Variants in KMT5A observed in about 807,000 individuals in gnomAD.
The protein encoded by KMT5A is N-lysine methyltransferase KMT5A.
A neutral mutation model predicts 40.6 loss-of-function variants in KMT5A; 6 were observed. That is an observed-to-expected ratio of 0.15 (90% confidence interval 0.08 to 0.29). KMT5A has a LOEUF of 0.29. KMT5A is among the 10% of genes least tolerant of loss of function. The pLI is 1.00. For missense variants in KMT5A, 308 were observed against 459.1 expected, an observed-to-expected ratio of 0.67 and a Z score of 3.01; for synonymous variants, 153 against 178.8, an observed-to-expected ratio of 0.86 and a Z score of 1.15.
At position 123,408,520 on chromosome 12, in the gene KMT5A, A is replaced by G; in HGVS notation, c.*817A>G. On this transcript the variant is annotated 3_prime_UTR_variant, in exon 8 of 8. Coordinates refer to ENST00000402868, the MANE Select transcript of KMT5A (RefSeq NM_020382.7). Reference sequence around the variant, plus strand: ...AATTAAAAATAAAAAAAACCACAGAAAACAACTTTACATGTATATAGGTCT... The same window carrying G: ...AATTAAAAATAAAAAAAACCACAGAGAACAACTTTACATGTATATAGGTCT... The G allele has an allele frequency of 6.6e-6, 1 of 151,434 alleles. No homozygotes were observed. Among genetic ancestry groups the G allele is most frequent in the East Asian group, 1.9e-4 (1 of 5,200 alleles). The allele number at this position is 151,434 out of a possible 1,614,324, so 9.4% of individuals were successfully genotyped here.
At chr12:123,385,052 G>GT (rs1284877016) in intron 1 of KMT5A, among the ~76,000 whole-genome samples, 1 of 151,664 alleles carries the variant, frequency 6.6e-6, no homozygotes, top group East Asian at 1.9e-4. Context: ...AAAAAAAAAA[G>GT]TTTTGGTATT....
chr12:123,401,072 G>GGC (rs1428580794), intron 5 of KMT5A, among the ~76,000 whole-genome samples: 5 of 151,656 alleles, frequency 3.3e-5, no homozygotes, highest in African/African-American at 1.2e-4. Flanking sequence ...TGGGATTACA[G>GGC]GCATGAGCCA....
intron 5 of KMT5A, among the ~76,000 whole-genome samples, chr12:123,399,024 G>T (rs533606149): frequency 4.6e-5 from 7 of 152,274 alleles, no homozygotes; most frequent in Non-Finnish European, 1.0e-4. Flanking sequence ...TTGGACACAA[G>T]GTGGGCCTTG....
At chr12:123,388,566 G>A (rs946295446) in intron 1 of KMT5A, 3 of 151,988 alleles carry the variant, frequency 2.0e-5, no homozygotes, top group African/African-American at 7.3e-5. Flanking sequence ...TGTAAGCTGG[G>A]ATGCCGACAG....
chr12:123,403,278 G>A (rs901916112), intron 5 of KMT5A, among the ~76,000 whole-genome samples: 1 of 152,242 alleles, frequency 6.6e-6, no homozygotes, highest in Non-Finnish European at 1.5e-5. Context: ...TTAACGTGCT[G>A]CATGGGCAAC....
At chr12:123,392,841 G>T (rs1459487234) in intron 3 of KMT5A, among the ~76,000 whole-genome samples, 1 of 152,112 alleles carries the variant, frequency 6.6e-6, no homozygotes, top group South Asian at 2.1e-4. Flanking sequence ...AGGAAGGTGT[G>T]TAGAGGAGGA....
At chr12:123,387,154 G>GC (rs781093836) in intron 1 of KMT5A, among the ~76,000 whole-genome samples, 3 of 152,204 alleles carry the variant, frequency 2.0e-5, no homozygotes, top group East Asian at 3.8e-4. Flanking sequence ...ACTGCGCCCA[G>GC]CTGGTGTATT....
At position 123,389,483 on chromosome 12, in the gene KMT5A, G is replaced by A; in HGVS notation, c.61G>A (p.Ala21Thr). The change falls in exon 2 of 8, where the codon GCG (alanine) becomes ACG (threonine). Residue 21 changes from alanine to threonine, a missense_variant. Physicochemically the swap from Ala to Thr is moderately conservative, Grantham distance 58. Around this residue, in one of 4 missense-constraint regions of KMT5A, gnomAD observed 92 missense variants for 78.3 expected, o/e 1.18. Transcript: ENST00000402868. Reference protein sequence around the residue: ...RAVEAAAAAAAVAATAPGPEM... With the variant: ...RAVEAAAAAATVAATAPGPEM... ...GGTGGAGGCGGCGGCGGCGGCGGCG[G>A]CGGTGGCAGCGACGGCCCCGGGCCC... is the stretch of plus-strand genomic sequence containing the variant. 8.9e-7 allele frequency: 1 copy of A among 1,124,972 alleles called. No homozygotes were observed. Among genetic ancestry groups the A allele is most frequent in the Admixed American group, 5.0e-5 (1 of 19,908 alleles). 69.7% of individuals were successfully genotyped at this position (1,124,972 alleles called of 1,614,324 possible).
At position 123,405,821 on chromosome 12, in the gene KMT5A, C is replaced by CT. The variant is rs568203599; in HGVS notation, c.848+758dup. Reference sequence around the variant, plus strand: ...GCCACTGCGCCTGGCCCCAGCTTCCCTTTTTTTTTTTCTTTTGAGACGGAG... The same window carrying CT: ...GCCACTGCGCCTGGCCCCAGCTTCCCTTTTTTTTTTTTCTTTTGAGACGGAG... On this transcript the variant is annotated intron_variant, in intron 7 of 7. Transcript: ENST00000402868. Among the ~76,000 whole-genome samples the CT allele has an allele frequency of 1.1e-3, 160 of 142,450 alleles. 1 individual carries two copies. The highest frequency in any genetic ancestry group is 3.3e-3 in the South Asian group (15 of 4,484). The allele number at this position is 142,450 out of a possible 152,430, so 93.5% of individuals were successfully genotyped here.
intron 2 of KMT5A, chr12:123,390,206 C>G: frequency 2.2e-6 from 1 of 455,624 alleles, no homozygotes. Flanking sequence ...TCCAGCCGCC[C>G]TCAGCACCAA....
intron 1 of KMT5A, among the ~76,000 whole-genome samples, chr12:123,387,434 T>G (rs1479185047): frequency 6.6e-6 from 1 of 152,222 alleles, no homozygotes; most frequent in African/African-American, 2.4e-5. Context: ...CTCATGGCAG[T>G]TAAGCTGCAA....
rs1405132711 is a variant in KMT5A at position 123,403,474 on chromosome 12, G to A, written c.598-99G>A. 1.7e-5 allele frequency: 22 copies of A among 1,311,854 alleles called. No individual in the cohort carries two copies. In the East Asian group the frequency reaches 1.9e-4, roughly 11 times the overall value. The allele number at this position is 1,311,854 out of a possible 1,614,324, so 81.3% of individuals were successfully genotyped here. A position where few individuals can be genotyped will look rare whatever the true frequency, so the allele number is the denominator to read the frequency against. The stretch of plus-strand genomic sequence containing the variant: ...TGCCAAATGAGGCCGATTGTGGCCC[G>A]GTGGGCATGGCCTGGGCAATCAGGG... On this transcript the variant is annotated intron_variant, in intron 5 of 7. Coordinates refer to ENST00000402868, the MANE Select transcript of KMT5A (RefSeq NM_020382.7).
At chr12:123,394,470 C>A (rs1877546489) in intron 3 of KMT5A, among the ~76,000 whole-genome samples, 2 of 152,140 alleles carry the variant, frequency 1.3e-5, no homozygotes, top group Admixed American at 6.6e-5. Context: ...CACTGTCACT[C>A]CACAAGTGTT....
chr12:123,406,615 G>C (rs553882763), intron 7 of KMT5A, among the ~76,000 whole-genome samples: 3 of 152,200 alleles, frequency 2.0e-5, no homozygotes, highest in African/African-American at 7.2e-5. Flanking sequence ...CGCCTGGCGG[G>C]GTTGATTTTT....
chr12:123,400,007 G>C (rs1399140147), intron 5 of KMT5A, among the ~76,000 whole-genome samples: 1 of 152,050 alleles, frequency 6.6e-6, no homozygotes, highest in Non-Finnish European at 1.5e-5. Context: ...ATTTTTAGTA[G>C]AGACAGGGTT....
chr12:123,390,817 C>A (rs1190482230), intron 3 of KMT5A, 31 bp downstream of exon 3: 2 of 1,608,576 alleles, frequency 1.2e-6, no homozygotes, highest in Non-Finnish European at 1.7e-6. Context: ...CGTTCTGATC[C>A]CAGCTGGTCG....
intron 2 of KMT5A, chr12:123,389,978 C>T (rs1269574731): frequency 1.3e-5 from 6 of 448,258 alleles, no homozygotes; most frequent in Admixed American, 4.8e-5. Flanking sequence ...TGACCTGAAC[C>T]GCCCCACCGC....
intron 3 of KMT5A, among the ~76,000 whole-genome samples, chr12:123,392,915 C>G (rs1877418371): frequency 6.6e-6 from 1 of 152,106 alleles, no homozygotes; most frequent in Non-Finnish European, 1.5e-5. Context: ...CTCGCTCTGT[C>G]TTGCAGTCTG....
intron 5 of KMT5A, among the ~76,000 whole-genome samples, chr12:123,402,514 C>T (rs1012033387): frequency 1.3e-5 from 2 of 152,260 alleles, no homozygotes; most frequent in Admixed American, 6.5e-5. Context: ...GCTCCTGACA[C>T]GTGCCATCTG....
Sources: allele counts gnomAD v4.1 joint callset (sites outside exome capture counted in the v4.1 genomes callset), GRCh38; gene constraint gnomAD v4.1.1; regional missense constraint gnomAD v4.1.1; transcripts MANE v1.5; gene names NCBI Gene and HGNC (gene_info 2026-07-23, HGNC 2026-07-21).